Variants in HSD17B12 observed in about 807,000 individuals in gnomAD.
The protein encoded by HSD17B12 is hydroxysteroid 17-beta dehydrogenase 12, also known as very-long-chain 3-oxoacyl-CoA reductase.
In HSD17B12, 32 loss-of-function variants were observed where a neutral mutation model predicts 39.3. That is an observed-to-expected ratio of 0.81 (90% CI 0.61 to 1.09). The LOEUF is 1.09. Among genes scored for constraint, HSD17B12 ranks in the 50% least tolerant of loss-of-function variants. HSD17B12 has a pLI of 0.00. For missense variants in HSD17B12, 342 were observed against 382.9 expected (o/e 0.89, Z 0.89); for synonymous variants, 150 against 146.7 (o/e 1.02, Z -0.16).
At chr11:43,827,632 C>T (rs1443777651) in intron 6 of HSD17B12, among the ~76,000 whole-genome samples, 3 of 152,136 alleles carry the variant, frequency 2.0e-5, no homozygotes, top group Non-Finnish European at 4.4e-5. Context: ...CACTTTTAGT[C>T]GTAACTGCAG....
At chr11:43,643,119 G>A in the HSD17B12 span, among the ~76,000 whole-genome samples, 2 of 151,958 alleles carry the variant, frequency 1.3e-5, no homozygotes, top group Non-Finnish European at 2.9e-5. Context: ...TTTATATTTG[G>A]ATGTGAGAAA....
the HSD17B12 span, among the ~76,000 whole-genome samples, chr11:43,619,213 A>AT: frequency 4.9e-4 from 19 of 38,466 alleles, no homozygotes; most frequent in East Asian, 6.8e-3. Flanking sequence ...ATATATATAT[A>AT]AAATATATAT....
intron 3 of HSD17B12, among the ~76,000 whole-genome samples, chr11:43,774,582 C>A (rs926080419): frequency 2.0e-5 from 3 of 152,134 alleles, no homozygotes; most frequent in Admixed American, 6.5e-5. Flanking sequence ...ACCCATGGAC[C>A]ACTCTTTTCA....
chr11:43,658,294 T>A, the HSD17B12 span, among the ~76,000 whole-genome samples: 1 of 152,210 alleles, frequency 6.6e-6, no homozygotes, highest in Non-Finnish European at 1.5e-5. Context: ...TGCATTCGTC[T>A]AGTTTTTTTT....
chr11:43,611,088 T>G, the HSD17B12 span, among the ~76,000 whole-genome samples: 2 of 152,240 alleles, frequency 1.3e-5, no homozygotes, highest in African/African-American at 4.8e-5. Context: ...ATTTGGTATA[T>G]AGTATGTCAA....
chr11:43,624,948 G>A, the HSD17B12 span, among the ~76,000 whole-genome samples: 90 of 151,772 alleles, frequency 5.9e-4, no homozygotes, highest in African/African-American at 2.0e-3. Context: ...TTATAAAAAG[G>A]GAGCTTAGAA....
chr11:43,627,726 G>A, the HSD17B12 span, among the ~76,000 whole-genome samples: 231 of 151,902 alleles, frequency 1.5e-3, 1 homozygote, highest in African/African-American at 5.1e-3. Context: ...TTTAATCTGC[G>A]TTAAAATAGT....
chr11:43,668,299 T>C, the HSD17B12 span, among the ~76,000 whole-genome samples: 2 of 152,182 alleles, frequency 1.3e-5, no homozygotes, highest in African/African-American at 2.4e-5. Flanking sequence ...CCGTCCTCCA[T>C]CTTCAGACCA....
intron 3 of HSD17B12, among the ~76,000 whole-genome samples, chr11:43,785,464 C>T (rs1257455362): frequency 4.6e-5 from 7 of 152,146 alleles, no homozygotes. Context: ...TGTGCATAGA[C>T]TAGTCAGCTT....
intron 1 of HSD17B12, among the ~76,000 whole-genome samples, chr11:43,699,810 A>G (rs1372264846): frequency 6.6e-6 from 1 of 152,250 alleles, no homozygotes; most frequent in Non-Finnish European, 1.5e-5. Context: ...AAAAATGGGC[A>G]GAAGATTTGA....
chr11:43,570,361 A>AT, the HSD17B12 span: 2 of 152,154 alleles, frequency 1.3e-5, no homozygotes, highest in Non-Finnish European at 2.9e-5. Context: ...AATCATCTAG[A>AT]TTTTTTTCTC....
intron 1 of HSD17B12, chr11:43,681,425 ATTCTG>A (rs974731133): frequency 1.3e-5 from 2 of 156,188 alleles, no homozygotes; most frequent in African/African-American, 4.8e-5. Context: ...GATGCAGAGC[ATTCTG>A]TTAACATGTT....
At chr11:43,570,523 G>A in the HSD17B12 span, 15 of 152,356 alleles carry the variant, frequency 9.8e-5, no homozygotes, top group Non-Finnish European at 1.8e-4. Flanking sequence ...AGGGTGGTTT[G>A]TAGTGCTTTG....
chr11:43,566,013 G>A, the HSD17B12 span, among the ~76,000 whole-genome samples: 1 of 137,888 alleles, frequency 7.3e-6, no homozygotes, highest in Non-Finnish European at 1.6e-5. Flanking sequence ...AACCCAGCCA[G>A]GGCCCAAAGA....
chr11:43,854,255 G>A (rs1431648426), intron 9 of HSD17B12: 1 of 153,068 alleles, frequency 6.5e-6, no homozygotes, highest in African/African-American at 2.4e-5. Context: ...GTCTATTTTA[G>A]AAGGATCAAA....
chr11:43,833,192 A>C (rs1951331300), intron 7 of HSD17B12: 1 of 152,208 alleles, frequency 6.6e-6, no homozygotes, highest in Admixed American at 6.5e-5. Flanking sequence ...GTTATGAATC[A>C]ATACTTTTGG....
At chr11:43,682,544 C>CAAAAAAAAAAAAAAAA (rs55938101) in intron 1 of HSD17B12, among the ~76,000 whole-genome samples, 1 of 118,446 alleles carries the variant, frequency 8.4e-6, no homozygotes, top group African/African-American at 3.2e-5. Context: ...AGACTCATCT[C>CAAAAAAAAAAAAAAAA]AAAAAAAAAA....
chr11:43,847,531 A>G (rs1415959650), intron 9 of HSD17B12, among the ~76,000 whole-genome samples: 7 of 151,958 alleles, frequency 4.6e-5, no homozygotes, highest in Admixed American at 2.0e-4. Flanking sequence ...ATAGTGAGAC[A>G]CTGTCTCTAC....
chr11:43,697,371 A>G (rs948562758), intron 1 of HSD17B12, among the ~76,000 whole-genome samples: 6 of 152,222 alleles, frequency 3.9e-5, no homozygotes, highest in Non-Finnish European at 5.9e-5. Flanking sequence ...GTAGAAGATG[A>G]TGATGTTCAT....
Sources: allele counts gnomAD v4.1 joint callset (sites outside exome capture counted in the v4.1 genomes callset), GRCh38; gene constraint gnomAD v4.1.1; transcripts MANE v1.5; gene names NCBI Gene and HGNC (gene_info 2026-07-23, HGNC 2026-07-21).